MFHAS1: variants seen among roughly 807,000 people sequenced by gnomAD.
MFHAS1 encodes the protein malignant fibrous histiocytoma-amplified sequence 1.
Under a neutral mutation model 70.4 loss-of-function variants are expected in MFHAS1, and 50 were observed. That is an observed-to-expected ratio of 0.71 (90% CI 0.57 to 0.90). MFHAS1 has a LOEUF of 0.90. MFHAS1 is among the 40% of genes least tolerant of loss of function. MFHAS1 has a pLI of 0.00. For synonymous variants in MFHAS1, 952 were observed against 620.0 expected, an observed-to-expected ratio of 1.54 and a Z score of -7.96; for missense variants, 1,795 against 1,347.6, an observed-to-expected ratio of 1.33 and a Z score of -5.20.
Position 8,891,498 on chromosome 8 carries a change from G to T in MFHAS1, c.1561C>A (p.His521Asn). The change falls in exon 1 of 3, where the codon CAT becomes AAT. Residue 521 changes from histidine (H) to asparagine (N), a missense_variant. By Grantham distance (68) the His-to-Asn change is moderately conservative. Transcript: ENST00000276282. The surrounding 1 kb of genome is among the most constrained non-coding windows in gnomAD (Gnocchi z 5.4). The part of the protein sequence containing the change: ...HFPTTVGSFL[H>N]RVGARVPHAV... The stretch of plus-strand genomic sequence containing the variant: ...TGGGGCACTCTCGCCCCGACCCGAT[G>T]CAAGAAGGAGCCCACGGTGGTAGGA... The T allele has an allele frequency of 1.2e-6, 2 of 1,613,092 alleles. No homozygotes were observed. Among genetic ancestry groups the T allele is most frequent in the East Asian group, 2.2e-5 (1 of 44,880 alleles).
chr8:8,830,166 C>G (rs1026852468), intron 1 of MFHAS1, among the ~76,000 whole-genome samples: 2 of 152,094 alleles, frequency 1.3e-5, no homozygotes, highest in African/African-American at 2.4e-5. Flanking sequence ...ACACCTCTGG[C>G]GTGGGGAGCC....
intron 2 of MFHAS1, among the ~76,000 whole-genome samples, chr8:8,790,920 GAGAATAC>G (rs1805698904): frequency 6.6e-6 from 1 of 152,134 alleles, no homozygotes; most frequent in Admixed American, 6.5e-5. Flanking sequence ...CGGTACTTCT[GAGAATAC>G]TTACAAACAG....
At chr8:8,818,204 A>AATTCC (rs1806819498) in intron 1 of MFHAS1, among the ~76,000 whole-genome samples, 5 of 152,078 alleles carry the variant, frequency 3.3e-5, no homozygotes, top group African/African-American at 7.2e-5. Flanking sequence ...GTAGACTCAG[A>AATTCC]AGAGTTTCTG....
intron 1 of MFHAS1, among the ~76,000 whole-genome samples, chr8:8,813,540 T>C (rs1295076025): frequency 6.6e-6 from 1 of 152,134 alleles, no homozygotes; most frequent in Non-Finnish European, 1.5e-5. Context: ...CCTGAGCCAA[T>C]GTGTGTGTGT....
chr8:8,881,479 C>T (rs1809520299), intron 1 of MFHAS1, among the ~76,000 whole-genome samples: 3 of 152,216 alleles, frequency 2.0e-5, no homozygotes, highest in African/African-American at 7.2e-5. Context: ...AAACATCTTC[C>T]TTCCTGCACC....
intron 2 of MFHAS1, among the ~76,000 whole-genome samples, chr8:8,786,460 A>C (rs576332571): frequency 6.6e-6 from 1 of 152,340 alleles, no homozygotes; most frequent in Non-Finnish European, 1.5e-5. Flanking sequence ...CTCTAGAAGA[A>C]GGAATATATA....
chr8:8,844,755 C>A (rs1807965682), intron 1 of MFHAS1, among the ~76,000 whole-genome samples: 1 of 152,166 alleles, frequency 6.6e-6, no homozygotes, highest in Admixed American at 6.6e-5. Flanking sequence ...ATTCCTCTTC[C>A]CCAACTTGAT....
In MFHAS1 at chr8:8,892,534, G is replaced by A. The variant is rs768318294; in HGVS notation, c.525C>T (p.Asp175=). 1.3e-6 allele frequency: 2 copies of A among 1,594,942 alleles called. No individual in the cohort carries two copies. Among genetic ancestry groups the A allele is most frequent in the Non-Finnish European group, 1.7e-6 (2 of 1,171,116 alleles). ...VSFNRLAHLP[D]SLSCLSRLRT... ...GCAGGCGGGAGAGGCAGGAGAGGGA[G>A]TCAGGCAGGTGCGCCAGCCGGTTAA... The change falls in exon 1 of 3, where the codon GAC becomes GAT. Residue 175 remains aspartate, a synonymous_variant. Coordinates refer to ENST00000276282, the MANE Select transcript of MFHAS1 (RefSeq NM_004225.3). The surrounding 1 kb of genome is among the most constrained non-coding windows in gnomAD (Gnocchi z 4.7).
chr8:8,832,050 GCGCGCGCGCGCGCACACA>G (rs1220799062), intron 1 of MFHAS1, among the ~76,000 whole-genome samples: 1 of 31,284 alleles, frequency 3.2e-5, no homozygotes, highest in Non-Finnish European at 8.7e-5. Flanking sequence ...GCACATGCAC[GCGCGCGCGCGCGCACACA>G]CACACACACA....
At chr8:8,807,866 T>C (rs749042192) in intron 1 of MFHAS1, among the ~76,000 whole-genome samples, 9 of 152,256 alleles carry the variant, frequency 5.9e-5, no homozygotes, top group Non-Finnish European at 7.3e-5. Flanking sequence ...TTGTCATTCA[T>C]CTGTATGTAT....
chr8:8,797,637 AG>A, intron 1 of MFHAS1, 146 bp from the exon 2 acceptor site: 1 of 887,930 alleles, frequency 1.1e-6, no homozygotes, highest in Non-Finnish European at 1.6e-6. Context: ...TGTGCAACCA[AG>A]AACAGCAGAA....
In MFHAS1 at chr8:8,789,207, G is replaced by A. The variant is rs554668914; in HGVS notation, c.3126-3152C>T. On this transcript the variant is annotated intron_variant, in intron 2 of 2. Transcript: ENST00000276282. Reference sequence around the variant, plus strand: ...TGTGGGTCAAATTCATTCATGTCACGACACAGATGAGATGGGATAAAAGGT... The same window carrying A: ...TGTGGGTCAAATTCATTCATGTCACAACACAGATGAGATGGGATAAAAGGT... 5.3e-5 allele frequency among the ~76,000 whole-genome samples: 8 copies of A among 152,246 alleles called. No homozygotes were observed. The East Asian group carries it at 5.8e-4, about 11-fold the overall frequency.
intron 1 of MFHAS1, among the ~76,000 whole-genome samples, chr8:8,822,536 T>G (rs1585035127): frequency 2.4e-5 from 3 of 125,000 alleles, no homozygotes; most frequent in Non-Finnish European, 3.3e-5. Flanking sequence ...TCAGGGGGAT[T>G]GAGATGGAGA....
At chr8:8,815,889 C>T (rs1440802695) in intron 1 of MFHAS1, among the ~76,000 whole-genome samples, 1 of 152,158 alleles carries the variant, frequency 6.6e-6, no homozygotes, top group African/African-American at 2.4e-5. Context: ...GAAACTCCCT[C>T]ATTTGAAGGA....
intron 1 of MFHAS1, among the ~76,000 whole-genome samples, chr8:8,832,375 A>G (rs1807431853): frequency 6.6e-6 from 1 of 151,388 alleles, no homozygotes; most frequent in African/African-American, 2.4e-5. Flanking sequence ...CTCAATGATA[A>G]GACGACAAGC....
intron 1 of MFHAS1, among the ~76,000 whole-genome samples, chr8:8,844,732 T>G (rs549081315): frequency 7.2e-5 from 11 of 152,346 alleles, no homozygotes; most frequent in Admixed American, 2.0e-4. Context: ...ATTGGCATAT[T>G]GGATTACTGA....
At position 8,890,099 on chromosome 8, in the gene MFHAS1, C is replaced by A; in HGVS notation, c.2960G>T (p.Cys987Phe). 6.2e-7 allele frequency: 1 copy of A among 1,612,506 alleles called. No individual in the cohort carries two copies. Among genetic ancestry groups the A allele is most frequent in the South Asian group, 1.1e-5 (1 of 90,776 alleles). Residue 987 changes from cysteine to phenylalanine, a missense_variant, in exon 1 of 3, where the codon TGC becomes TTC. By Grantham distance (205) the Cys-to-Phe change is radical (BLOSUM62 -2). Transcript: ENST00000276282. Reference sequence around the variant, plus strand: ...TGGATTGGGCGATCCTCTCTTAAGGCACTTAGAACAGAGAATGTGCACGGT... The same window carrying A: ...TGGATTGGGCGATCCTCTCTTAAGGAACTTAGAACAGAGAATGTGCACGGT... ...HYTVHILCSK[C>F]LKRGSPNPHA...
chr8:8,825,942 T>G lies in MFHAS1; in HGVS notation c.2999-28451A>C, dbSNP rs143300801. Among the ~76,000 whole-genome samples, 526 of 152,306 alleles carry G rather than the reference T, an allele frequency of 3.5e-3. 3 individuals carry two copies. Among genetic ancestry groups the G allele is most frequent in the African/African-American group, 0.012 (501 of 41,566 alleles). Reference sequence around the variant, plus strand: ...TAGAAGGAGCCTAAGATACTATCTATTCTAGCCTCTCATTTTGCAGTTGAG... The same window carrying G: ...TAGAAGGAGCCTAAGATACTATCTAGTCTAGCCTCTCATTTTGCAGTTGAG... On this transcript the variant is annotated intron_variant, in intron 1 of 2. Transcript: ENST00000276282.
Position 8,890,534 on chromosome 8 carries a change from T to C in MFHAS1, c.2525A>G (p.Asn842Ser), listed in dbSNP as rs766131388. The stretch of plus-strand genomic sequence containing the variant: ...GAACTTGTACCAAGCTGTGGACCCA[T>C]TCAAAGGCTTGCCCTTGGGTTTATT... ...CLNKPKGKPL[N>S]GSTAWYKFPC... is the part of the protein sequence containing the mutation. Residue 842 changes from asparagine (N) to serine (S), a missense_variant, in exon 1 of 3, where the codon AAT becomes AGT. Coordinates refer to ENST00000276282, the MANE Select transcript of MFHAS1 (RefSeq NM_004225.3). 2 of 1,613,346 alleles carry C rather than the reference T, an allele frequency of 1.2e-6. No individual in the cohort carries two copies. Among genetic ancestry groups the C allele is most frequent in the East Asian group, 2.2e-5 (1 of 44,902 alleles).
Sources: gnomAD v4.1 joint callset for allele counts (sites outside exome capture counted in the v4.1 genomes callset) on GRCh38, gnomAD v4.1.1 for gene constraint, Gnocchi (gnomAD v3.1) non-coding constraint, MANE v1.5 for transcripts, NCBI Gene and HGNC (gene_info 2026-07-23, HGNC 2026-07-21) for gene names.